The following TMEM132C variants were observed in gnomAD, a reference collection of about 807,000 sequenced individuals.
TMEM132C encodes protein phosphatase 1, regulatory subunit 152.
A neutral mutation model predicts 61.4 loss-of-function variants in TMEM132C; 29 were observed. The observed-to-expected ratio is 0.47, with a 90% CI of 0.35 to 0.64. TMEM132C has a LOEUF of 0.64. TMEM132C is among the 30% of genes least tolerant of loss of function. TMEM132C has a pLI of 0.00. For synonymous variants in TMEM132C, 656 were observed against 633.1 expected (o/e 1.04, Z -0.54); for missense variants, 1,408 against 1,476.9 (o/e 0.95, Z 0.76).
chr12:128,357,418 C>T (rs113419133), intron 1 of TMEM132C, among the ~76,000 whole-genome samples: 23 of 152,246 alleles, frequency 1.5e-4, no homozygotes, highest in African/African-American at 5.1e-4. Flanking sequence ...GAGCCCAGGC[C>T]GGGCACGGTG....
chr12:128,517,413 C>A (rs186133062), intron 2 of TMEM132C, among the ~76,000 whole-genome samples: 1 of 152,020 alleles, frequency 6.6e-6, no homozygotes, highest in African/African-American at 2.4e-5. Context: ...TCAGCCTGGG[C>A]AACAGAGTGA....
At chr12:128,558,831 A>T (rs1178556668) in intron 3 of TMEM132C, among the ~76,000 whole-genome samples, 1 of 152,248 alleles carries the variant, frequency 6.6e-6, no homozygotes, top group Non-Finnish European at 1.5e-5. Flanking sequence ...GACTATTTAT[A>T]AGCCAACACT....
At chr12:128,485,056 GA>G (rs1309396345) in intron 2 of TMEM132C, among the ~76,000 whole-genome samples, 2 of 152,138 alleles carry the variant, frequency 1.3e-5, no homozygotes, top group African/African-American at 4.8e-5. Context: ...AGCGCCCCAA[GA>G]AACAGGCTTT....
chr12:128,568,206 C>T (rs534511943), intron 3 of TMEM132C, among the ~76,000 whole-genome samples: 29 of 152,300 alleles, frequency 1.9e-4, no homozygotes, highest in African/African-American at 6.7e-4. Context: ...AAGAAGGGAG[C>T]AGTTCTCTCT....
At chr12:128,330,243 C>A (rs1565903176) in intron 1 of TMEM132C, among the ~76,000 whole-genome samples, 1 of 152,228 alleles carries the variant, frequency 6.6e-6, no homozygotes, top group South Asian at 2.1e-4. Flanking sequence ...GTCACAACAG[C>A]CCACATCATG....
intron 1 of TMEM132C, among the ~76,000 whole-genome samples, chr12:128,320,656 C>G (rs1365790588): frequency 6.6e-6 from 1 of 151,974 alleles, no homozygotes; most frequent in Non-Finnish European, 1.5e-5. Context: ...TTAGTTCCAG[C>G]TAGCTACTTG....
intron 3 of TMEM132C, among the ~76,000 whole-genome samples, chr12:128,603,945 C>T (rs1876299863): frequency 6.6e-6 from 1 of 152,048 alleles, no homozygotes; most frequent in Non-Finnish European, 1.5e-5. Context: ...TGTGGTTGGG[C>T]CAGAGTGGAA....
chr12:128,405,619 G>A (rs1396644615), intron 1 of TMEM132C, among the ~76,000 whole-genome samples: 1 of 152,170 alleles, frequency 6.6e-6, no homozygotes, highest in Non-Finnish European at 1.5e-5. Context: ...GCTATAGACA[G>A]GCAGCAAATA....
In TMEM132C at chr12:128,267,810, G is replaced by A. The variant is rs1471271000; in HGVS notation, c.85+323G>A. 2.0e-5 allele frequency among the ~76,000 whole-genome samples: 3 copies of A among 152,286 alleles called. No homozygotes were observed. In the East Asian group the frequency reaches 5.8e-4, roughly 30 times the overall value. ...TTTGTTCCCCATCCCTGAGTTCCGT[G>A]CGGACCTGCCCCAGCCCCAGCACAG... is the stretch of plus-strand genomic sequence containing the variant. On this transcript the variant is annotated intron_variant, in intron 1 of 8. Transcript: ENST00000435159.
At chr12:128,399,992 TA>T (rs55939312) in intron 1 of TMEM132C, 31,859 of 152,204 alleles carry the variant, frequency 0.21, 3,693 homozygotes, top group Middle Eastern at 0.28. Context: ...AAGGCTGAAC[TA>T]TCTACTGCCT....
At chr12:128,441,479 G>T (rs2136047513) in intron 2 of TMEM132C, among the ~76,000 whole-genome samples, 1 of 152,346 alleles carries the variant, frequency 6.6e-6, no homozygotes, top group Non-Finnish European at 1.5e-5. Flanking sequence ...AGCTTTGGCT[G>T]AAATAGCATC....
chr12:128,705,399 G>A lies in TMEM132C; in HGVS notation c.2431G>A (p.Asp811Asn), dbSNP rs1324704755. 4.5e-6 allele frequency: 7 copies of A among 1,551,074 alleles called. No homozygotes were observed. The highest frequency in any genetic ancestry group is 2.4e-5 in the East Asian group (1 of 40,908). ...QNDADSSPGG[D>N]YEEDEIKNHA... ...CGATGCTGACTCCAGCCCCGGCGGG[G>A]ACTATGAGGAAGATGAGATCAAGAA... Residue 811 changes from aspartate (D) to asparagine (N), a missense_variant, in exon 9 of 9, where the codon GAC becomes AAC. Coordinates refer to ENST00000435159, the MANE Select transcript of TMEM132C (RefSeq NM_001136103.3).
At chr12:128,689,064 C>T (rs1179740168) in intron 5 of TMEM132C, among the ~76,000 whole-genome samples, 1 of 152,006 alleles carries the variant, frequency 6.6e-6, no homozygotes, top group Non-Finnish European at 1.5e-5. Context: ...GTGATCCGCC[C>T]GCCTCAGCCT....
intron 5 of TMEM132C, 38 bp from the exon 6 acceptor site, chr12:128,693,791 G>A (rs1954736891): frequency 1.3e-6 from 2 of 1,548,734 alleles, no homozygotes; most frequent in African/African-American, 1.4e-5. Context: ...AAGGCTCCAT[G>A]AACTTCTCCT....
chr12:128,694,003 G>A lies in TMEM132C; in HGVS notation c.1624G>A (p.Gly542Ser). 4 of 1,551,726 alleles carry A rather than the reference G, an allele frequency of 2.6e-6. No homozygotes were observed. Among genetic ancestry groups the A allele is most frequent in the Non-Finnish European group, 3.5e-6 (4 of 1,147,018 alleles). ...VSDTELSQIK[G>S]WRVPIVTNKR... ...TGACACGGAGCTCAGCCAGATAAAG[G>A]GCTGGAGGGTCCCCATTGTGACCAA... Residue 542 changes from glycine (G) to serine (S), a missense_variant, in exon 6 of 9, where the codon GGC (glycine) becomes AGC (serine). Physicochemically the swap from Gly to Ser is moderately conservative, Grantham distance 56. Coordinates refer to ENST00000435159, the MANE Select transcript of TMEM132C (RefSeq NM_001136103.3).
chr12:128,555,924 C>A (rs1874317514), intron 3 of TMEM132C, among the ~76,000 whole-genome samples: 1 of 152,042 alleles, frequency 6.6e-6, no homozygotes, highest in African/African-American at 2.4e-5. Flanking sequence ...CATTGTGTTG[C>A]CCAGGTTGGC....
chr12:128,421,510 G>A (rs949972150), intron 2 of TMEM132C, among the ~76,000 whole-genome samples: 1 of 152,198 alleles, frequency 6.6e-6, no homozygotes. Context: ...TTCACTGAGA[G>A]GGCCTGGACT....
intron 5 of TMEM132C, among the ~76,000 whole-genome samples, chr12:128,680,347 C>T (rs1954625018): frequency 6.6e-6 from 1 of 152,212 alleles, no homozygotes; most frequent in Admixed American, 6.5e-5. Flanking sequence ...GAACTCAGGT[C>T]TGCCTGATCA....
At chr12:128,695,413 A>C (rs1278603989) in intron 6 of TMEM132C, among the ~76,000 whole-genome samples, 2 of 151,980 alleles carry the variant, frequency 1.3e-5, no homozygotes, top group African/African-American at 2.4e-5. Context: ...ATTCCCAGCT[A>C]TTCAGGAGGC....
Sources: gnomAD v4.1 joint callset for allele counts (sites outside exome capture counted in the v4.1 genomes callset) on GRCh38, gnomAD v4.1.1 for gene constraint, MANE v1.5 for transcripts, NCBI Gene and HGNC (gene_info 2026-07-23, HGNC 2026-07-21) for gene names.